ADK: variants seen among roughly 807,000 people sequenced by gnomAD.
ADK encodes adenosine kinase, also known as N6,N6-dimethyladenosine kinase.
Under a neutral mutation model 44.7 loss-of-function variants are expected in ADK, and 24 were observed. The ratio of observed to expected loss-of-function variants is 0.54; its 90% CI spans 0.39 to 0.76. The LOEUF (loss-of-function observed/expected upper bound fraction) is 0.76, where lower values mean the gene tolerates loss of function less well. Among genes scored for constraint, ADK ranks in the 30% least tolerant of loss-of-function variants. The pLI is 0.00. For synonymous variants in ADK, 128 were observed against 142.6 expected (o/e 0.90, Z 0.73); for missense variants, 321 against 425.1 (o/e 0.76, Z 2.15).
intron 4 of ADK, among the ~76,000 whole-genome samples, chr10:74,347,104 C>T (rs1841794387): frequency 2.0e-5 from 1 of 51,142 alleles, no homozygotes; most frequent in Non-Finnish European, 3.1e-5. Context: ...GACACTCTGT[C>T]TCAAAAAAAA....
chr10:74,294,936 G>T (rs975734221), intron 3 of ADK, among the ~76,000 whole-genome samples: 128 of 151,958 alleles, frequency 8.4e-4, no homozygotes, highest in Non-Finnish European at 1.4e-3. Context: ...GCTCACTGCA[G>T]CCTCCGCCTC....
chr10:74,445,045 T>G (rs1235035274), intron 6 of ADK, among the ~76,000 whole-genome samples: 1 of 152,028 alleles, frequency 6.6e-6, no homozygotes, highest in Non-Finnish European at 1.5e-5. Context: ...AAAACAAATA[T>G]AAACAATGGG....
intron 1 of ADK, among the ~76,000 whole-genome samples, chr10:74,171,686 A>C (rs1405643657): frequency 1.3e-5 from 2 of 152,210 alleles, no homozygotes; most frequent in African/African-American, 4.8e-5. Context: ...CTAAAGTAGG[A>C]TAAGCTAGGC....
At chr10:74,345,852 A>C (rs1162671354) in intron 4 of ADK, among the ~76,000 whole-genome samples, 1 of 152,178 alleles carries the variant, frequency 6.6e-6, no homozygotes, top group Admixed American at 6.5e-5. Flanking sequence ...CATTTGAATG[A>C]GCTTACATTT....
chr10:74,353,224 A>G (rs1010081852), intron 4 of ADK, among the ~76,000 whole-genome samples: 4 of 152,214 alleles, frequency 2.6e-5, no homozygotes, highest in African/African-American at 9.7e-5. Context: ...AATACTATGC[A>G]GCCATAAAAA....
chr10:74,607,868 C>T (rs1852387424), intron 9 of ADK, among the ~76,000 whole-genome samples: 1 of 151,388 alleles, frequency 6.6e-6, no homozygotes, highest in East Asian at 1.9e-4. Context: ...TCAGGTACAC[C>T]AATCAAATGT....
intron 1 of ADK, among the ~76,000 whole-genome samples, chr10:74,187,920 G>A (rs1048937499): frequency 6.6e-6 from 1 of 152,088 alleles, no homozygotes; most frequent in African/African-American, 2.4e-5. Flanking sequence ...CTTAATTATT[G>A]TAGCTTTATA....
At chr10:74,347,857 C>G (rs1179262073) in intron 4 of ADK, among the ~76,000 whole-genome samples, 1 of 152,130 alleles carries the variant, frequency 6.6e-6, no homozygotes, top group Non-Finnish European at 1.5e-5. Context: ...GGCCAGACTC[C>G]CTGTCTAGAT....
At position 74,671,635 on chromosome 10, in the gene ADK, T is replaced by G. The variant is rs1287792928; in HGVS notation, c.964+1366T>G. Among the ~76,000 whole-genome samples, 5 of 152,230 alleles carry G rather than the reference T, an allele frequency of 3.3e-5. No individual in the cohort carries two copies. In the East Asian group the frequency reaches 9.6e-4, roughly 29 times the overall value. ...TATAGATGTATGTAGGCTAAAATAT[T>G]TTATTCTGAATTTAACCATATTCTG... On this transcript the variant is annotated intron_variant, in intron 10 of 10. Transcript: ENST00000539909.
chr10:74,663,509 A>G lies in ADK; in HGVS notation c.878-6674A>G, dbSNP rs1486190125. On this transcript the variant is annotated intron_variant, in intron 9 of 10. Transcript: ENST00000539909. The stretch of plus-strand genomic sequence containing the variant: ...TCAAGTGTACTTCCCATGAACATTT[A>G]ATTTTTCCTACTTTTTGTGGAAGCA... Among the ~76,000 whole-genome samples the G allele has an allele frequency of 4.6e-5, 7 of 152,160 alleles. No homozygotes were observed. The South Asian group carries it at 1.2e-3, about 27-fold the overall frequency.
Position 74,229,662 on chromosome 10 carries a change from G to T in ADK, c.194+5071G>T, listed in dbSNP as rs376482475. ...TCTGCCCGTCTTGGCCTCCCAAAGT[G>T]CTGGGATTACGGGCGTGAGCCACCG... On this transcript the variant is annotated intron_variant, in intron 3 of 10. Coordinates refer to ENST00000539909, the MANE Select transcript of ADK (RefSeq NM_006721.4). Among the ~76,000 whole-genome samples the T allele has an allele frequency of 1.1e-4, 17 of 152,270 alleles. No homozygotes were observed. In the East Asian group the frequency reaches 2.7e-3, roughly 24 times the overall value.
chr10:74,212,380 T>A (rs1353259793), intron 2 of ADK, among the ~76,000 whole-genome samples: 1 of 152,230 alleles, frequency 6.6e-6, no homozygotes, highest in East Asian at 1.9e-4. Context: ...AATACAATAT[T>A]AAATAACTGT....
At chr10:74,194,093 G>A (rs1843042342) in intron 1 of ADK, among the ~76,000 whole-genome samples, 1 of 152,172 alleles carries the variant, frequency 6.6e-6, no homozygotes, top group South Asian at 2.1e-4. Context: ...GAGTGATGTT[G>A]GTGGCAGCTT....
chr10:74,228,112 T>A (rs565728116), intron 3 of ADK, among the ~76,000 whole-genome samples: 92 of 152,358 alleles, frequency 6.0e-4, no homozygotes, highest in East Asian at 2.1e-3. Context: ...CATTTTTAGT[T>A]CCTGAAATTT....
chr10:74,568,381 T>G (rs1309352487), intron 7 of ADK, among the ~76,000 whole-genome samples: 1 of 152,216 alleles, frequency 6.6e-6, no homozygotes, highest in African/African-American at 2.4e-5. Context: ...CTTTTTCTCC[T>G]AGGAGGTACA....
intron 6 of ADK, among the ~76,000 whole-genome samples, chr10:74,443,954 C>A (rs189330590): frequency 3.3e-5 from 5 of 151,922 alleles, no homozygotes; most frequent in Non-Finnish European, 7.4e-5. Context: ...CACTGTAACC[C>A]CTATTGGATA....
intron 6 of ADK, among the ~76,000 whole-genome samples, chr10:74,518,291 C>T (rs1416844435): frequency 6.6e-6 from 1 of 152,188 alleles, no homozygotes; most frequent in East Asian, 1.9e-4. Context: ...GCCCTTTCCT[C>T]ATCAGTGCTA....
intron 7 of ADK, among the ~76,000 whole-genome samples, chr10:74,540,091 C>T (rs986029861): frequency 1.2e-4 from 18 of 152,218 alleles, no homozygotes; most frequent in South Asian, 8.3e-4. Flanking sequence ...TTTAAATCAT[C>T]CCCAATCTAA....
chr10:74,579,928 TC>T (rs1851319928), intron 7 of ADK, among the ~76,000 whole-genome samples: 1 of 152,224 alleles, frequency 6.6e-6, no homozygotes, highest in East Asian at 1.9e-4. Flanking sequence ...AAATTGGACA[TC>T]TTTTTTAGTA....
Sources: gnomAD v4.1 joint callset for allele counts (sites outside exome capture counted in the v4.1 genomes callset) on GRCh38, gnomAD v4.1.1 for gene constraint, MANE v1.5 for transcripts, NCBI Gene and HGNC (gene_info 2026-07-23, HGNC 2026-07-21) for gene names.